The following LSM6 variants were observed in gnomAD, a reference collection of about 807,000 sequenced individuals.
LSM6 encodes the protein U6 snRNA-associated Sm-like protein LSm6.
LSM6 carries 2 observed loss-of-function variants against 13.5 expected under a neutral mutation model. That is an observed-to-expected ratio of 0.15 (90% CI 0.06 to 0.47). The LOEUF (loss-of-function observed/expected upper bound fraction) is 0.47, where lower values mean the gene tolerates loss of function less well. Among genes scored for constraint, LSM6 ranks in the 20% least tolerant of loss-of-function variants. The pLI is 0.97. For missense variants in LSM6, 58 were observed against 96.4 expected (o/e 0.60, Z 1.67); for synonymous variants, 43 against 34.9 (o/e 1.23, Z -0.82).
chr4:146,175,843 G>C (rs1479372086), intron 1 of LSM6, 32 bp downstream of exon 1: 1 of 152,384 alleles, frequency 6.6e-6, no homozygotes, highest in African/African-American at 2.4e-5. Context: ...GCCGACGACG[G>C]GGCCGGGCGC....
In LSM6 at chr4:146,182,965, T is replaced by A; in HGVS notation, c.44T>A (p.Ile15Asn). ...ACCCCTAGTGACTTCTTAAAGCAAA[T>A]CATCGGACGACCAGTTGTGGTAAAA... The part of the protein sequence containing the change: ...KQTPSDFLKQ[I>N]IGRPVVVKLN... The change falls in exon 2 of 4, where the codon ATC (isoleucine) becomes AAC (asparagine). Residue 15 changes from isoleucine to asparagine, a missense_variant. Physicochemically the swap from Ile to Asn is moderately radical, Grantham distance 149. Around this residue, in one of 3 missense-constraint regions of LSM6, gnomAD observed 28 missense variants for 32.6 expected, o/e 0.86. Coordinates refer to ENST00000296581, the MANE Select transcript of LSM6 (RefSeq NM_007080.3). 6.2e-7 allele frequency: 1 copy of A among 1,613,652 alleles called. No individual in the cohort carries two copies. Among genetic ancestry groups the A allele is most frequent in the Non-Finnish European group, 8.5e-7 (1 of 1,179,620 alleles).
intron 1 of LSM6, among the ~76,000 whole-genome samples, chr4:146,179,780 G>A (rs1578676707): frequency 6.6e-6 from 1 of 152,240 alleles, no homozygotes; most frequent in African/African-American, 2.4e-5. Flanking sequence ...GCTATGGAAA[G>A]TAGAGAGTGG....
chr4:146,184,047 T>C (rs1042918927), intron 2 of LSM6, among the ~76,000 whole-genome samples: 4 of 151,988 alleles, frequency 2.6e-5, no homozygotes, highest in African/African-American at 9.7e-5. Context: ...TGCCAGCAGG[T>C]TCAGTTGTCT....
Position 146,191,161 on chromosome 4 carries a change from C to T in LSM6, c.*1505C>T, listed in dbSNP as rs1489645715. ...AGGTCCAGTATGTAAGTACAAATCA[C>T]CAATTTGCTCTTTTATAAATGAGTT... On this transcript the variant is annotated 3_prime_UTR_variant, in exon 4 of 4. Coordinates refer to ENST00000296581, the MANE Select transcript of LSM6 (RefSeq NM_007080.3). The T allele has an allele frequency of 6.6e-6, 1 of 152,174 alleles. No individual in the cohort carries two copies. Among genetic ancestry groups the T allele is most frequent in the Admixed American group, 6.5e-5 (1 of 15,272 alleles). 9.4% of individuals were successfully genotyped at this position (152,174 alleles called of 1,614,324 possible). A position where few individuals can be genotyped will look rare whatever the true frequency, so the allele number is the denominator to read the frequency against.
At chr4:146,185,519 AAAAAAG>A (rs1307817578) in intron 2 of LSM6, among the ~76,000 whole-genome samples, 1 of 151,672 alleles carries the variant, frequency 6.6e-6, no homozygotes, top group African/African-American at 2.4e-5. Context: ...AAAAAAAAAA[AAAAAAG>A]AAAAACTCCA....
intron 2 of LSM6, among the ~76,000 whole-genome samples, chr4:146,186,732 C>A (rs1214251917): frequency 6.6e-6 from 1 of 152,154 alleles, no homozygotes; most frequent in African/African-American, 2.4e-5. Context: ...GATGTTCTTT[C>A]GGGAGCACCT....
chr4:146,178,946 A>T (rs1730172154), intron 1 of LSM6, among the ~76,000 whole-genome samples: 1 of 152,212 alleles, frequency 6.6e-6, no homozygotes, highest in South Asian at 2.1e-4. Context: ...TTTCTCTGTA[A>T]ATTGCTTATG....
At chr4:146,177,687 T>G (rs1560709884) in intron 1 of LSM6, among the ~76,000 whole-genome samples, 2 of 152,228 alleles carry the variant, frequency 1.3e-5, no homozygotes, top group Admixed American at 1.3e-4. Flanking sequence ...GATTGTCAAC[T>G]TCCATTGACA....
At chr4:146,186,165 T>A (rs1730344743) in intron 2 of LSM6, among the ~76,000 whole-genome samples, 1 of 152,254 alleles carries the variant, frequency 6.6e-6, no homozygotes, top group Non-Finnish European at 1.5e-5. Context: ...CGAGCTAAAG[T>A]TGTAGCTTAA....
At chr4:146,188,232 A>G (rs768126401) in intron 3 of LSM6, among the ~76,000 whole-genome samples, 1 of 152,112 alleles carries the variant, frequency 6.6e-6, no homozygotes, top group Non-Finnish European at 1.5e-5. Flanking sequence ...TTCTATTTAT[A>G]GAATTATTTA....
rs777000718 is a variant in LSM6, at chr4:146,187,329, A to G, written c.150A>G (p.Glu50=). The change falls in exon 3 of 4, where the codon GAA becomes GAG. Residue 50 remains glutamate (E), a synonymous_variant. Coordinates refer to ENST00000296581, the MANE Select transcript of LSM6 (RefSeq NM_007080.3). ...YMNIALEQTE[E]YVNGQLKNKY... ...ATATAGCCCTGGAGCAGACAGAAGA[A>G]TATGTAAATGGACAACTGAAGAATA... is the stretch of plus-strand genomic sequence containing the variant. 1 of 1,613,962 alleles carries G rather than the reference A, an allele frequency of 6.2e-7. No individual in the cohort carries two copies. The highest frequency in any genetic ancestry group is 1.7e-5 in the Admixed American group (1 of 60,020).
chr4:146,189,007 T>C (rs1730409079), intron 3 of LSM6, among the ~76,000 whole-genome samples: 1 of 144,722 alleles, frequency 6.9e-6, no homozygotes, highest in Non-Finnish European at 1.5e-5. Flanking sequence ...TTTTTTTTCC[T>C]GAGATGAAGT....
At position 146,184,720 on chromosome 4, in the gene LSM6, T is replaced by C. The variant is rs892512521; in HGVS notation, c.94+1705T>C. 6.6e-5 allele frequency among the ~76,000 whole-genome samples: 10 copies of C among 152,148 alleles called. No individual in the cohort carries two copies. In the South Asian group the frequency reaches 2.1e-3, roughly 32 times the overall value. ...ATTGAAGAGATGAACCAGCCTGACC[T>C]TTTTTCTCTGTACTCTTTAGGGAAA... On this transcript the variant is annotated intron_variant, in intron 2 of 3. Coordinates refer to ENST00000296581, the MANE Select transcript of LSM6 (RefSeq NM_007080.3).
intron 1 of LSM6, chr4:146,181,344 C>T (rs561821193): frequency 1.2e-3 from 178 of 152,328 alleles, no homozygotes; most frequent in African/African-American, 4.1e-3. Flanking sequence ...TACTCACACT[C>T]TTTAAATGAG....
At chr4:146,175,858 C>A (rs1271091230) in intron 1 of LSM6, 47 bp downstream of exon 1, 1 of 152,426 alleles carries the variant, frequency 6.6e-6, no homozygotes, top group African/African-American at 2.4e-5. Flanking sequence ...GGGCGCAGCC[C>A]CAGGTTCGGT....
intron 1 of LSM6, chr4:146,176,308 T>TA (rs1396257112): frequency 2.0e-5 from 3 of 152,254 alleles, no homozygotes; most frequent in African/African-American, 7.2e-5. Context: ...CCACAGGAAT[T>TA]AAAGGCTGGA....
chr4:146,187,236 G>T, intron 2 of LSM6, 38 bp from the exon 3 acceptor site: 1 of 1,168,920 alleles, frequency 8.6e-7, no homozygotes, highest in Non-Finnish European at 1.3e-6. Flanking sequence ...ACTCTTATTT[G>T]CCTTGTGTAT....
At chr4:146,176,693 T>G (rs1730117983) in intron 1 of LSM6, 1 of 152,146 alleles carries the variant, frequency 6.6e-6, no homozygotes, top group Non-Finnish European at 1.5e-5. Context: ...TTTTGTATCT[T>G]CTTTTGATTG....
intron 1 of LSM6, among the ~76,000 whole-genome samples, chr4:146,182,680 G>T (rs1730256910): frequency 6.6e-6 from 1 of 152,238 alleles, no homozygotes; most frequent in Non-Finnish European, 1.5e-5. Flanking sequence ...GTGCCATGGT[G>T]TTGTGGGTAC....
Sources: gnomAD v4.1 joint callset for allele counts (sites outside exome capture counted in the v4.1 genomes callset) on GRCh38, gnomAD v4.1.1 for gene constraint, gnomAD v4.1.1 regional missense constraint, MANE v1.5 for transcripts, NCBI Gene and HGNC (gene_info 2026-07-23, HGNC 2026-07-21) for gene names.